CASTOR2: variants seen among roughly 807,000 people sequenced by gnomAD.
CASTOR2 encodes the protein GATS protein like 2.
A neutral mutation model predicts 31.2 loss-of-function variants in CASTOR2; 8 were observed. That is an observed-to-expected ratio of 0.26 (90% CI 0.15 to 0.46). The LOEUF is 0.46. Ranked by LOEUF, CASTOR2 falls within the 20% of genes least tolerant of loss-of-function variation. The pLI is 0.99. For missense variants in CASTOR2, 216 were observed against 382.1 expected (o/e 0.57, Z 3.62); for synonymous variants, 162 against 158.7 (o/e 1.02, Z -0.16).
chr7:75,011,727 C>CAA (rs587617013), intron 2 of CASTOR2, among the ~76,000 whole-genome samples: 473 of 44,374 alleles, frequency 0.011, 10 homozygotes, highest in African/African-American at 0.028. Context: ...AGAGCTGTCT[C>CAA]AAAAAAAAAA....
chr7:75,023,311 A>G (rs1391623937), intron 7 of CASTOR2, among the ~76,000 whole-genome samples: 1 of 152,144 alleles, frequency 6.6e-6, no homozygotes, highest in African/African-American at 2.4e-5. Flanking sequence ...CCACCTCAAA[A>G]AAAGAAAAAA....
At chr7:74,993,800 TAA>T (rs782362434) in intron 1 of CASTOR2, among the ~76,000 whole-genome samples, 2,464 of 140,720 alleles carry the variant, frequency 0.018, 35 homozygotes, top group African/African-American at 0.041. Flanking sequence ...TGCCACAGAT[TAA>T]AAAAAAAAAA....
In CASTOR2 at chr7:75,020,274, G is replaced by A. The variant is rs1052158812; in HGVS notation, c.746+125G>A. The A allele has an allele frequency of 7.3e-6, 7 of 957,742 alleles. 1 individual carries two copies. The highest frequency in any genetic ancestry group is 2.6e-5 in the East Asian group (1 of 37,906). The allele number at this position is 957,742 out of a possible 1,614,324, so 59.3% of individuals were successfully genotyped here. ...TTGTTTTTTTTTGATACGGGGTCTCGCTCTGTCGCCCAGGCTGGGGTGCAG... is the reference window on the plus strand; with the variant it reads ...TTGTTTTTTTTTGATACGGGGTCTCACTCTGTCGCCCAGGCTGGGGTGCAG... On this transcript the variant is annotated intron_variant, in intron 6 of 8. Transcript: ENST00000616305.
chr7:75,030,539 G>A lies in CASTOR2; in HGVS notation c.*5840G>A, dbSNP rs903646718. 3.9e-5 allele frequency among the ~76,000 whole-genome samples: 6 copies of A among 152,154 alleles called. No individual in the cohort carries two copies. Among genetic ancestry groups the A allele is most frequent in the African/African-American group, 7.2e-5 (3 of 41,424 alleles). On this transcript the variant is annotated 3_prime_UTR_variant, in exon 9 of 9. Coordinates refer to ENST00000616305, the MANE Select transcript of CASTOR2 (RefSeq NM_001145064.3). Reference sequence around the variant, plus strand: ...GCTCAGGGTCATTCATGAGGTTGCTGTTGTCTGAAATCTTAGCTAAGGATT... The same window carrying A: ...GCTCAGGGTCATTCATGAGGTTGCTATTGTCTGAAATCTTAGCTAAGGATT...
At chr7:75,015,721 T>TTTCTG (rs1584475799) in intron 2 of CASTOR2, among the ~76,000 whole-genome samples, 4,690 of 152,226 alleles carry the variant, frequency 0.031, 83 homozygotes, top group East Asian at 0.049. Flanking sequence ...GGCAAATCAC[T>TTTCTG]GAGCCTTCCA....
At chr7:74,984,836 CT>C (rs1164634084) in intron 1 of CASTOR2, among the ~76,000 whole-genome samples, 3 of 152,150 alleles carry the variant, frequency 2.0e-5, no homozygotes, top group African/African-American at 7.2e-5. Flanking sequence ...ACTCAGAAGT[CT>C]GATTTAAGAG....
At chr7:74,994,722 C>T (rs1172747515) in intron 1 of CASTOR2, among the ~76,000 whole-genome samples, 1 of 151,670 alleles carries the variant, frequency 6.6e-6, no homozygotes, top group Non-Finnish European at 1.5e-5. Flanking sequence ...TGCACTCCAG[C>T]CTAGGCAACA....
chr7:75,019,811 A>G (rs1243952601), intron 5 of CASTOR2, among the ~76,000 whole-genome samples: 3 of 152,188 alleles, frequency 2.0e-5, no homozygotes, highest in Non-Finnish European at 4.4e-5. Context: ...GGGCCGGTGT[A>G]ACCTGCGTGG....
rs1435568679 is a variant in CASTOR2 at position 74,989,415 on chromosome 7, C to G, written c.114-18579C>G. On this transcript the variant is annotated intron_variant, in intron 1 of 8. Transcript: ENST00000616305. Reference sequence around the variant, plus strand: ...GGGACTACAGGAGCATGCCACCATGCCTGGGTAATTTTTGTTTTGTTTTTG... The same window carrying G: ...GGGACTACAGGAGCATGCCACCATGGCTGGGTAATTTTTGTTTTGTTTTTG... Among the ~76,000 whole-genome samples, 9 of 151,128 alleles carry G rather than the reference C, an allele frequency of 6.0e-5. No homozygotes were observed. The East Asian group carries it at 1.8e-3, about 30-fold the overall frequency.
intron 2 of CASTOR2, among the ~76,000 whole-genome samples, chr7:75,009,263 T>TG (rs1341373432): frequency 3.6e-4 from 2 of 5,504 alleles, no homozygotes; most frequent in East Asian, 5.3e-3. Context: ...GCCTGAGAAC[T>TG]TTTTTTTTTT....
At chr7:75,024,287 C>G (rs1805073019) in intron 7 of CASTOR2, among the ~76,000 whole-genome samples, 153 bp from the exon 8 acceptor site, 1 of 151,916 alleles carries the variant, frequency 6.6e-6, no homozygotes, top group Admixed American at 6.6e-5. Context: ...GAGACTCCAT[C>G]TCAAAAAAAA....
chr7:75,028,152 C>A lies in CASTOR2; in HGVS notation c.*3453C>A. 7.3e-7 allele frequency: 1 copy of A among 1,366,368 alleles called. No homozygotes were observed. The highest frequency in any genetic ancestry group is 1.5e-5 in the South Asian group (1 of 68,776). 84.6% of individuals were successfully genotyped at this position (1,366,368 alleles called of 1,614,324 possible). A position where few individuals can be genotyped will look rare whatever the true frequency, so the allele number is the denominator to read the frequency against. On this transcript the variant is annotated 3_prime_UTR_variant, in exon 9 of 9. Transcript: ENST00000616305. ...TTTTTTTTTGAGACGGAGTCTTGCTCTGTCGCCCAGGCTGGAGTGCTGTGG... is the reference window on the plus strand; with the variant it reads ...TTTTTTTTTGAGACGGAGTCTTGCTATGTCGCCCAGGCTGGAGTGCTGTGG...
At position 75,019,112 on chromosome 7, in the gene CASTOR2, C is replaced by T; in HGVS notation, c.635+17C>T. The T allele has an allele frequency of 6.4e-7, 1 of 1,551,782 alleles. No homozygotes were observed. The highest frequency in any genetic ancestry group is 1.4e-5 in the African/African-American group (1 of 73,174). On this transcript the variant is annotated intron_variant, in intron 5 of 8. Transcript: ENST00000616305. ...CTCCAATGGGTAGGGCTGCCTTGGG[C>T]ATGAGGGGTTGCAGGGTGGGCCAGG...
At chr7:74,997,437 CTTTT>C (rs879150708) in intron 1 of CASTOR2, among the ~76,000 whole-genome samples, 1 of 138,078 alleles carries the variant, frequency 7.2e-6, no homozygotes, top group Non-Finnish European at 1.6e-5. Context: ...AAAGCATTGC[CTTTT>C]TTTTTTTTTT....
chr7:74,999,257 G>A (rs1278583056), intron 1 of CASTOR2, among the ~76,000 whole-genome samples: 1 of 151,978 alleles, frequency 6.6e-6, no homozygotes, highest in Non-Finnish European at 1.5e-5. Context: ...TGATCCACCC[G>A]CCTCGGCTTC....
intron 1 of CASTOR2, among the ~76,000 whole-genome samples, chr7:75,002,616 C>A (rs1376865062): frequency 1.3e-5 from 2 of 151,910 alleles, no homozygotes; most frequent in Non-Finnish European, 2.9e-5. Context: ...AGCAAAACTT[C>A]ATCTCAAATA....
At chr7:74,994,975 AGAG>A (rs1406772486) in intron 1 of CASTOR2, among the ~76,000 whole-genome samples, 4 of 152,150 alleles carry the variant, frequency 2.6e-5, no homozygotes, top group Admixed American at 6.6e-5. Flanking sequence ...CCAAGACGTC[AGAG>A]GAGACCGTGC....
At chr7:75,024,289 C>CA (rs1176761716) in intron 7 of CASTOR2, 151 bp from the exon 8 acceptor site, 64 of 844,412 alleles carry the variant, frequency 7.6e-5, no homozygotes, top group Non-Finnish European at 1.1e-4. Flanking sequence ...GACTCCATCT[C>CA]AAAAAAAATA....
chr7:74,983,520 C>T (rs1322641126), intron 1 of CASTOR2, among the ~76,000 whole-genome samples: 4 of 149,016 alleles, frequency 2.7e-5, no homozygotes, highest in Non-Finnish European at 5.9e-5. Context: ...GGGCTGTTCA[C>T]GGGAGGTTGA....
Sources: allele counts gnomAD v4.1 joint callset (sites outside exome capture counted in the v4.1 genomes callset), GRCh38; gene constraint gnomAD v4.1.1; transcripts MANE v1.5; gene names NCBI Gene and HGNC (gene_info 2026-07-23, HGNC 2026-07-21).